Variants in SMG6 observed in about 807,000 individuals in gnomAD.
SMG6 encodes SMG6 nonsense mediated mRNA decay factor.
In SMG6, 66 loss-of-function variants were observed where a neutral mutation model predicts 142.2. The ratio of observed to expected loss-of-function variants is 0.46; its 90% confidence interval spans 0.38 to 0.57. The LOEUF is 0.57. Among genes scored for constraint, SMG6 ranks in the 20% least tolerant of loss-of-function variants. The pLI, the probability that SMG6 is intolerant of heterozygous loss-of-function variation, is 0.00. For synonymous variants in SMG6, 779 were observed against 702.4 expected, an observed-to-expected ratio of 1.11 and a Z score of -1.72; for missense variants, 1,793 against 1,832.0, an observed-to-expected ratio of 0.98 and a Z score of 0.39.
chr17:2,205,459 C>A (rs901191671), intron 10 of SMG6, among the ~76,000 whole-genome samples: 7 of 152,150 alleles, frequency 4.6e-5, no homozygotes, highest in Non-Finnish European at 1.0e-4. Context: ...AGATTTGTGA[C>A]AACTTACAGC....
chr17:2,256,102 G>A (rs1487636192), intron 8 of SMG6: 1 of 163,472 alleles, frequency 6.1e-6, no homozygotes, highest in Non-Finnish European at 1.3e-5. Context: ...TCACTTGTTT[G>A]TCTGCTGACC....
chr17:2,183,378 A>C (rs956319139), intron 12 of SMG6, among the ~76,000 whole-genome samples: 2 of 152,228 alleles, frequency 1.3e-5, no homozygotes, highest in Non-Finnish European at 2.9e-5. Flanking sequence ...ACAGTTGTAC[A>C]AACATGAACA....
intron 8 of SMG6, among the ~76,000 whole-genome samples, chr17:2,277,410 C>T (rs547334494): frequency 1.4e-4 from 21 of 152,160 alleles, no homozygotes; most frequent in African/African-American, 5.1e-4. Context: ...TCGTGATCCG[C>T]CCGCGTTGGC....
chr17:2,200,415 T>A (rs1056444326), intron 10 of SMG6, among the ~76,000 whole-genome samples: 1 of 152,170 alleles, frequency 6.6e-6, no homozygotes, highest in African/African-American at 2.4e-5. Context: ...ACGTGCAGGT[T>A]TGTCACATAT....
At chr17:2,188,955 A>G (rs1340682839) in intron 10 of SMG6, among the ~76,000 whole-genome samples, 2 of 152,224 alleles carry the variant, frequency 1.3e-5, no homozygotes, top group Non-Finnish European at 2.9e-5. Flanking sequence ...GTCTACTGCC[A>G]TACCACCCTG....
At chr17:2,197,515 G>A (rs571200893) in intron 10 of SMG6, among the ~76,000 whole-genome samples, 32 of 152,194 alleles carry the variant, frequency 2.1e-4, no homozygotes, top group African/African-American at 7.2e-4. Context: ...GCAGTGACCC[G>A]TGACAGTGCC....
At chr17:2,228,089 ACT>A (rs997277833) in intron 10 of SMG6, among the ~76,000 whole-genome samples, 125 of 152,160 alleles carry the variant, frequency 8.2e-4, no homozygotes, top group African/African-American at 3.0e-3. Flanking sequence ...TTTGAGACAA[ACT>A]CTCGCTCTGT....
intron 18 of SMG6, among the ~76,000 whole-genome samples, chr17:2,064,830 C>A (rs757672183): frequency 1.3e-5 from 2 of 151,646 alleles, no homozygotes; most frequent in African/African-American, 2.4e-5. Flanking sequence ...AAGAACCTCG[C>A]GGCCTAGGGC....
intron 12 of SMG6, 180 bp from the exon 13 acceptor site, chr17:2,173,039 T>C (rs1294903335): frequency 1.6e-6 from 1 of 619,628 alleles, no homozygotes. Context: ...CAATCTGAGG[T>C]ATGTGTATGT....
intron 13 of SMG6, among the ~76,000 whole-genome samples, chr17:2,165,221 C>T (rs919667468): frequency 2.0e-5 from 3 of 151,964 alleles, no homozygotes; most frequent in African/African-American, 2.4e-5. Context: ...AGAATTTCTT[C>T]TTCACATGGT....
At chr17:2,134,334 C>A (rs568011612) in intron 13 of SMG6, among the ~76,000 whole-genome samples, 1 of 131,332 alleles carries the variant, frequency 7.6e-6, no homozygotes, top group Non-Finnish European at 1.6e-5. Context: ...AGGCGAATTG[C>A]TTGAACCCAA....
intron 13 of SMG6, among the ~76,000 whole-genome samples, chr17:2,152,308 GCTGA>G (rs996474063): frequency 1.3e-5 from 2 of 152,190 alleles, no homozygotes; most frequent in African/African-American, 2.4e-5. Context: ...ACAACTTTCT[GCTGA>G]CTAAGGTCTC....
At chr17:2,147,087 G>T (rs1169608918) in intron 13 of SMG6, among the ~76,000 whole-genome samples, 1 of 152,096 alleles carries the variant, frequency 6.6e-6, no homozygotes, top group Non-Finnish European at 1.5e-5. Context: ...TTGTTCGTTT[G>T]GTTTAGAAAG....
At chr17:2,208,421 T>C (rs776799649) in intron 10 of SMG6, among the ~76,000 whole-genome samples, 38 of 152,192 alleles carry the variant, frequency 2.5e-4, no homozygotes, top group Non-Finnish European at 5.4e-4. Context: ...GTACAGGATT[T>C]ACAATTCACC....
chr17:2,175,231 C>T (rs973240207), intron 12 of SMG6, among the ~76,000 whole-genome samples: 5 of 152,156 alleles, frequency 3.3e-5, no homozygotes, highest in African/African-American at 4.8e-5. Flanking sequence ...ACAGGAAAGA[C>T]GACAGTGAGA....
At chr17:2,157,837 T>G (rs1047841064) in intron 13 of SMG6, among the ~76,000 whole-genome samples, 1 of 152,188 alleles carries the variant, frequency 6.6e-6, no homozygotes, top group Non-Finnish European at 1.5e-5. Context: ...ATTTGTAACC[T>G]GTATTTCAAA....
At chr17:2,124,277 G>C (rs76860365) in intron 13 of SMG6, among the ~76,000 whole-genome samples, 1,552 of 152,332 alleles carry the variant, frequency 0.01, 30 homozygotes, top group African/African-American at 0.034. Flanking sequence ...TACAAAGAAA[G>C]GGGTGACAAT....
chr17:2,099,553 A>C, intron 13 of SMG6, among the ~76,000 whole-genome samples: 1 of 152,106 alleles, frequency 6.6e-6, no homozygotes, highest in African/African-American at 2.4e-5. Flanking sequence ...TAGTATGCAG[A>C]CATTCTCTGA....
intron 9 of SMG6, among the ~76,000 whole-genome samples, chr17:2,242,748 T>C (rs973568545): frequency 6.7e-6 from 1 of 148,334 alleles, no homozygotes; most frequent in Non-Finnish European, 1.5e-5. Context: ...TACCATCAAC[T>C]GTCACTTTAA....
Sources: gnomAD v4.1 joint callset for allele counts (sites outside exome capture counted in the v4.1 genomes callset) on GRCh38, gnomAD v4.1.1 for gene constraint, MANE v1.5 for transcripts, NCBI Gene and HGNC (gene_info 2026-07-23, HGNC 2026-07-21) for gene names.